TFEC: variants seen among roughly 807,000 people sequenced by gnomAD.
The protein encoded by TFEC is class E basic helix-loop-helix protein 34.
In TFEC, 31 loss-of-function variants were observed where a neutral mutation model predicts 41.6. The ratio of observed to expected loss-of-function variants is 0.74; its 90% CI spans 0.56 to 1.01. The LOEUF is 1.01. Ranked by LOEUF, TFEC falls within the 50% of genes least tolerant of loss-of-function variation. The pLI is 0.00. For synonymous variants in TFEC, 143 were observed against 140.6 expected (o/e 1.02, Z -0.12); for missense variants, 402 against 404.1 (o/e 0.99, Z 0.04).
At chr7:116,063,472 G>A (rs989624648) in intron 3 of TFEC, among the ~76,000 whole-genome samples, 11 of 151,912 alleles carry the variant, frequency 7.2e-5, no homozygotes, top group African/African-American at 2.4e-4. Context: ...TACAAAAATC[G>A]GCTGGGCTTG....
chr7:116,050,191 G>A (rs939695836), intron 3 of TFEC, among the ~76,000 whole-genome samples: 11 of 152,100 alleles, frequency 7.2e-5, no homozygotes, highest in African/African-American at 2.7e-4. Context: ...AATGAATCCA[G>A]GAGCTGGTTT....
chr7:116,075,892 A>T (rs1046871354), intron 3 of TFEC, among the ~76,000 whole-genome samples: 1 of 152,170 alleles, frequency 6.6e-6, no homozygotes, highest in Non-Finnish European at 1.5e-5. Flanking sequence ...CCCTAGGGCA[A>T]GTTTGCATCC....
chr7:116,151,928 T>C (rs1211906571), intron 1 of TFEC, among the ~76,000 whole-genome samples: 1 of 152,154 alleles, frequency 6.6e-6, no homozygotes, highest in Non-Finnish European at 1.5e-5. Flanking sequence ...AGATTTTTCA[T>C]TTCTTCCCAA....
chr7:116,132,205 AAATGT>A (rs1252003965), intron 1 of TFEC, among the ~76,000 whole-genome samples: 1 of 152,206 alleles, frequency 6.6e-6, no homozygotes, highest in Non-Finnish European at 1.5e-5. Context: ...TAAGTCAAAG[AAATGT>A]ATGTAATCAA....
rs1053536895 is a variant in TFEC at position 116,047,442 on chromosome 7, G to A, written c.199-62929C>T. 3.9e-5 allele frequency among the ~76,000 whole-genome samples: 6 copies of A among 152,102 alleles called. No individual in the cohort carries two copies. The South Asian group carries it at 6.2e-4, about 16-fold the overall frequency. ...TGAGATTGAACTGCCAGGTGGCAGT[G>A]AGGCTGGGGGAGGGGTGTCCACCAT... On this transcript the variant is annotated intron_variant, in intron 3 of 8. Coordinates refer to the TFEC transcript ENST00000484212.
rs1278327864 is a variant in TFEC at position 115,935,268 on chromosome 7, G to A, written c.*5283C>T. 6.6e-6 allele frequency: 1 copy of A among 151,846 alleles called. No individual in the cohort carries two copies. The highest frequency in any genetic ancestry group is 1.5e-5 in the Non-Finnish European group (1 of 67,600). The allele number at this position is 151,846 out of a possible 1,614,324, so 9.4% of individuals were successfully genotyped here. On this transcript the variant is annotated 3_prime_UTR_variant, in exon 8 of 8. Transcript: ENST00000265440. ...TACACCAAAGTTCTCCATTTTCTTA[G>A]AAAATAAGACACATTACTTTGTTAT...
Position 116,061,814 on chromosome 7 carries a change from T to C in TFEC, c.198+48894A>G, listed in dbSNP as rs546736869. Among the ~76,000 whole-genome samples, 95 of 152,144 alleles carry C rather than the reference T, an allele frequency of 6.2e-4. 1 individual carries two copies. Among genetic ancestry groups the C allele is most frequent in the African/African-American group, 2.2e-3 (90 of 41,518 alleles). ...TGAACAGACACTTCACCATATAAGG[T>C]ATATGGATAGCAAATAAGGCTCAAC... is the stretch of plus-strand genomic sequence containing the variant. On this transcript the variant is annotated intron_variant, in intron 3 of 8. Coordinates refer to the TFEC transcript ENST00000484212.
intron 3 of TFEC, among the ~76,000 whole-genome samples, chr7:116,089,188 C>A (rs778181377): frequency 6.6e-6 from 1 of 152,026 alleles, no homozygotes; most frequent in Non-Finnish European, 1.5e-5. Flanking sequence ...TAGAATATAT[C>A]TGATTATATA....
At chr7:116,133,721 A>G (rs1798380020) in intron 1 of TFEC, among the ~76,000 whole-genome samples, 1 of 152,078 alleles carries the variant, frequency 6.6e-6, no homozygotes, top group South Asian at 2.1e-4. Context: ...AAGAAAATTT[A>G]CCTCTTTACT....
intron 3 of TFEC, among the ~76,000 whole-genome samples, chr7:115,960,732 G>A (rs1177225455): frequency 6.6e-6 from 1 of 151,598 alleles, no homozygotes; most frequent in East Asian, 1.9e-4. Flanking sequence ...AGGATTGACA[G>A]ATAAAGTAAG....
chr7:115,999,755 T>C (rs1037837854), intron 1 of TFEC, among the ~76,000 whole-genome samples: 12 of 150,726 alleles, frequency 8.0e-5, no homozygotes, highest in African/African-American at 2.9e-4. Flanking sequence ...TTCCTAGACA[T>C]GTACAATGTA....
In TFEC at chr7:116,092,059, G is replaced by A. The variant is rs114105401; in HGVS notation, c.198+18649C>T. Reference sequence around the variant, plus strand: ...TGCCATTTTAATGGAAACACTGTCCGACCTTTGTCTCCAGTAAAGCTACTA... The same window carrying A: ...TGCCATTTTAATGGAAACACTGTCCAACCTTTGTCTCCAGTAAAGCTACTA... On this transcript the variant is annotated intron_variant, in intron 3 of 8. Coordinates refer to the TFEC transcript ENST00000484212. Among the ~76,000 whole-genome samples, 1,509 of 152,076 alleles carry A rather than the reference G, an allele frequency of 9.9e-3. 34 individuals carry two copies. The highest frequency in any genetic ancestry group is 0.035 in the African/African-American group (1,445 of 41,480).
At chr7:116,124,249 G>A (rs1798166742) in intron 1 of TFEC, among the ~76,000 whole-genome samples, 2 of 152,106 alleles carry the variant, frequency 1.3e-5, no homozygotes, top group Non-Finnish European at 2.9e-5. Context: ...GACAGTGAAA[G>A]GAGCTCACTC....
At chr7:116,007,680 T>C (rs944598535) in intron 1 of TFEC, among the ~76,000 whole-genome samples, 2 of 152,134 alleles carry the variant, frequency 1.3e-5, no homozygotes, top group Non-Finnish European at 2.9e-5. Flanking sequence ...GCATATTGTA[T>C]AAGAAATTTA....
intron 3 of TFEC, among the ~76,000 whole-genome samples, chr7:116,049,376 A>T (rs1030617580): frequency 6.6e-6 from 1 of 152,258 alleles, no homozygotes; most frequent in East Asian, 1.9e-4. Flanking sequence ...ATCAGAAGAG[A>T]CAAAGGAGGT....
chr7:116,007,827 T>C (rs1169706914), intron 1 of TFEC, among the ~76,000 whole-genome samples: 1 of 152,244 alleles, frequency 6.6e-6, no homozygotes, highest in African/African-American at 2.4e-5. Flanking sequence ...CTTTTAAATG[T>C]AATTCATATT....
At chr7:116,031,577 C>T (rs1032466098), upstream of TFEC, among the ~76,000 whole-genome samples, 1 of 152,060 alleles carries the variant, frequency 6.6e-6, no homozygotes, top group Non-Finnish European at 1.5e-5. Context: ...TCTTGTCTTA[C>T]CTATATTTTA....
chr7:115,999,111 T>A (rs1794486996), intron 1 of TFEC, among the ~76,000 whole-genome samples: 1 of 151,910 alleles, frequency 6.6e-6, no homozygotes, highest in Non-Finnish European at 1.5e-5. Context: ...GTCTTAAAAA[T>A]TTTAAAAATA....
intron 3 of TFEC, among the ~76,000 whole-genome samples, chr7:115,960,645 A>C (rs567394867): frequency 2.0e-5 from 3 of 151,752 alleles, no homozygotes; most frequent in Non-Finnish European, 3.0e-5. Context: ...AATGGGGCAC[A>C]AAAATGAATT....
Sources: allele counts gnomAD v4.1 joint callset (sites outside exome capture counted in the v4.1 genomes callset), GRCh38; gene constraint gnomAD v4.1.1; transcripts MANE v1.5; gene names NCBI Gene and HGNC (gene_info 2026-07-23, HGNC 2026-07-21).